PCSK6: variants seen among roughly 807,000 people sequenced by gnomAD.
PCSK6 encodes proprotein convertase subtilisin/kexin type 6.
PCSK6 carries 85 observed loss-of-function variants against 123.3 expected under a neutral mutation model. That is an observed-to-expected ratio of 0.69 (90% CI 0.58 to 0.83). The LOEUF is 0.83. Among genes scored for constraint, PCSK6 ranks in the 40% least tolerant of loss-of-function variants. PCSK6 has a pLI of 0.00. For missense variants in PCSK6, 1,191 were observed against 1,282.3 expected (o/e 0.93, Z 1.09); for synonymous variants, 508 against 516.0 (o/e 0.98, Z 0.21).
At chr15:101,317,178 C>T (rs1233942284) in intron 19 of PCSK6, among the ~76,000 whole-genome samples, 2 of 152,158 alleles carry the variant, frequency 1.3e-5, no homozygotes, top group African/African-American at 4.8e-5. Context: ...TCCCAAAGTG[C>T]CGGGATTACA....
chr15:101,317,790 G>A (rs533876265), intron 19 of PCSK6, among the ~76,000 whole-genome samples: 1 of 152,224 alleles, frequency 6.6e-6, no homozygotes. Context: ...CGTGTTCAAA[G>A]TGGGCCTTTG....
chr15:101,410,997 G>A (rs2055661835), intron 6 of PCSK6, among the ~76,000 whole-genome samples: 1 of 152,218 alleles, frequency 6.6e-6, no homozygotes. Context: ...CCCAACCCAG[G>A]AGGAAGACTG....
At chr15:101,366,106 T>G in intron 13 of PCSK6, 90 bp downstream of exon 13, 1 of 1,327,400 alleles carries the variant, frequency 7.5e-7, no homozygotes, top group Admixed American at 2.7e-5. Context: ...AAACAAAGAA[T>G]TATCAGAGAC....
At chr15:101,419,532 C>A (rs1185598514) in intron 6 of PCSK6, among the ~76,000 whole-genome samples, 4 of 118,270 alleles carry the variant, frequency 3.4e-5, no homozygotes, top group African/African-American at 1.3e-4. Context: ...AAAATCCCAA[C>A]AGGGCTTTTT....
rs531517269 is a variant in PCSK6 at position 101,398,640 on chromosome 15, G to T, written c.824-64C>A. 1.3e-6 allele frequency: 2 copies of T among 1,544,868 alleles called. No individual in the cohort carries two copies. The highest frequency in any genetic ancestry group is 1.2e-5 in the South Asian group (1 of 85,408). Reference sequence around the variant, plus strand: ...TCCGGGCACACAGCGACGGGAACCCGGGCCCAGGAGGCTCGGATGAGGACA... The same window carrying T: ...TCCGGGCACACAGCGACGGGAACCCTGGCCCAGGAGGCTCGGATGAGGACA... On this transcript the variant is annotated intron_variant, in intron 6 of 21. Transcript: ENST00000611716. This position sits in a 1 kb window ranked among gnomAD's most constrained non-coding sequence, Gnocchi z 4.6.
At chr15:101,425,109 G>A (rs1045523996) in intron 6 of PCSK6, among the ~76,000 whole-genome samples, 5 of 152,162 alleles carry the variant, frequency 3.3e-5, no homozygotes, top group East Asian at 1.9e-4. Flanking sequence ...AGCTTGACAC[G>A]GCAGGACTTG....
intron 7 of PCSK6, among the ~76,000 whole-genome samples, chr15:101,396,730 C>A (rs1460764327): frequency 6.6e-6 from 1 of 151,986 alleles, no homozygotes; most frequent in East Asian, 1.9e-4. Flanking sequence ...TGCTCAGCAG[C>A]CTCATTGAAG....
In PCSK6 at chr15:101,324,023, G is replaced by A. The variant is rs1164768221; in HGVS notation, c.2377+827C>T. On this transcript the variant is annotated intron_variant, in intron 17 of 21. Transcript: ENST00000611716. ...AGGCGAATTACGAAAACATGGCATG[G>A]GGTCTTGGGCCTACAACTCCTGTCC... 2.0e-5 allele frequency among the ~76,000 whole-genome samples: 3 copies of A among 152,206 alleles called. No homozygotes were observed. The East Asian group carries it at 5.8e-4, about 29-fold the overall frequency.
Position 101,413,005 on chromosome 15 carries a change from TGAGGAGGAG to T in PCSK6, c.824-14438_824-14430del, listed in dbSNP as rs925761371. On this transcript the variant is annotated intron_variant, in intron 6 of 21. Transcript: ENST00000611716. ...CCTGTCTCTAATAATGGAGGAGGAG[TGAGGAGGAG>T]GAGGAGGAGGAGGAGGAGGAGGAGG... Among the ~76,000 whole-genome samples the T allele has an allele frequency of 7.5e-5, 8 of 106,068 alleles. No homozygotes were observed. In the East Asian group the frequency reaches 9.5e-4, roughly 13 times the overall value. 69.6% of individuals were successfully genotyped at this position (106,068 alleles called of 152,430 possible).
At chr15:101,421,838 C>CATTCT (rs555769211) in intron 6 of PCSK6, among the ~76,000 whole-genome samples, 86 of 152,294 alleles carry the variant, frequency 5.6e-4, no homozygotes, top group African/African-American at 1.8e-3. Flanking sequence ...TGCCACTCAG[C>CATTCT]AATAGATAAC....
At chr15:101,321,096 G>C (rs547416035) in intron 18 of PCSK6, among the ~76,000 whole-genome samples, 1 of 152,332 alleles carries the variant, frequency 6.6e-6, no homozygotes, top group East Asian at 1.9e-4. Flanking sequence ...GATGCCCCCA[G>C]CTACCAGCCT....
chr15:101,332,435 G>C (rs1163166369), intron 13 of PCSK6, among the ~76,000 whole-genome samples: 1 of 152,172 alleles, frequency 6.6e-6, no homozygotes, highest in Non-Finnish European at 1.5e-5. Flanking sequence ...GGGTAAATCT[G>C]GTGCCAGGCC....
At chr15:101,455,326 C>CCAGCTGT (rs2057151818) in intron 1 of PCSK6, among the ~76,000 whole-genome samples, 2 of 152,184 alleles carry the variant, frequency 1.3e-5, no homozygotes, top group African/African-American at 4.8e-5. Context: ...GCAGTGCTGC[C>CCAGCTGT]CAGCTGTTAT....
chr15:101,311,193 C>A (rs1350219948), intron 20 of PCSK6, among the ~76,000 whole-genome samples: 1 of 152,046 alleles, frequency 6.6e-6, no homozygotes, highest in Non-Finnish European at 1.5e-5. Flanking sequence ...TCACTGCAAC[C>A]TCCGCCTCCT....
At chr15:101,367,448 G>A (rs2041433623) in intron 12 of PCSK6, among the ~76,000 whole-genome samples, 2 of 152,216 alleles carry the variant, frequency 1.3e-5, no homozygotes, top group South Asian at 4.1e-4. Flanking sequence ...AACACTCAAT[G>A]TAGGAAAATG....
chr15:101,338,294 G>A (rs2040528389), intron 13 of PCSK6, among the ~76,000 whole-genome samples: 1 of 152,186 alleles, frequency 6.6e-6, no homozygotes, highest in Admixed American at 6.5e-5. Flanking sequence ...GAGACACACA[G>A]GAATGAGCTT....
intron 15 of PCSK6, among the ~76,000 whole-genome samples, chr15:101,327,152 C>T (rs932128680): frequency 1.3e-5 from 2 of 152,180 alleles, no homozygotes; most frequent in Non-Finnish European, 2.9e-5. Flanking sequence ...CCCCTTTAGG[C>T]TTTCCTTGGA....
chr15:101,413,429 T>C (rs1340185824), intron 6 of PCSK6, among the ~76,000 whole-genome samples: 1 of 151,708 alleles, frequency 6.6e-6, no homozygotes, highest in Non-Finnish European at 1.5e-5. Context: ...CCAAGTGAGA[T>C]TTTAAAAAGT....
Position 101,313,517 on chromosome 15 carries a change from A to G in PCSK6, c.2570-12T>C. ...TTCTCTGCCTGGCCCTGAGAGACACAGGAAAAGAAGCAGGTATCAGGGATG... is the reference window on the plus strand; with the variant it reads ...TTCTCTGCCTGGCCCTGAGAGACACGGGAAAAGAAGCAGGTATCAGGGATG... On this transcript the variant is annotated splice_polypyrimidine_tract_variant and intron_variant, in intron 19 of 21. Coordinates refer to ENST00000611716, the MANE Select transcript of PCSK6 (RefSeq NM_002570.5). 17 of 1,587,088 alleles carry G rather than the reference A, an allele frequency of 1.1e-5. No homozygotes were observed. Among genetic ancestry groups the G allele is most frequent in the Non-Finnish European group, 1.3e-5 (15 of 1,169,986 alleles).
Sources: gnomAD v4.1 joint callset for allele counts (sites outside exome capture counted in the v4.1 genomes callset) on GRCh38, gnomAD v4.1.1 for gene constraint, Gnocchi (gnomAD v3.1) non-coding constraint, MANE v1.5 for transcripts, NCBI Gene and HGNC (gene_info 2026-07-23, HGNC 2026-07-21) for gene names.